MINDY2: variants seen among roughly 807,000 people sequenced by gnomAD.
MINDY2 encodes the protein ubiquitin carboxyl-terminal hydrolase MINDY-2.
Under a neutral mutation model 68.2 loss-of-function variants are expected in MINDY2, and 52 were observed. The observed-to-expected ratio is 0.76, with a 90% CI of 0.61 to 0.96. The LOEUF (loss-of-function observed/expected upper bound fraction) is 0.96, where lower values mean the gene tolerates loss of function less well. Among genes scored for constraint, MINDY2 ranks in the 40% least tolerant of loss-of-function variants. The pLI is 0.00. For synonymous variants in MINDY2, 372 were observed against 303.0 expected (o/e 1.23, Z -2.36); for missense variants, 881 against 773.4 (o/e 1.14, Z -1.65).
chr15:58,819,998 G>A (rs1398630003), intron 4 of MINDY2, among the ~76,000 whole-genome samples: 2 of 152,166 alleles, frequency 1.3e-5, no homozygotes, highest in African/African-American at 4.8e-5. Context: ...AGGCACAGTG[G>A]CTCACACCTG....
intron 2 of MINDY2, among the ~76,000 whole-genome samples, chr15:58,795,766 T>G (rs1157911934): frequency 4.3e-5 from 4 of 92,148 alleles, no homozygotes; most frequent in Non-Finnish European, 6.0e-5. Flanking sequence ...AGTGTCTAAG[T>G]TTTTTTTTTC....
chr15:58,773,893 T>C (rs1453265272), intron 1 of MINDY2, among the ~76,000 whole-genome samples: 2 of 152,150 alleles, frequency 1.3e-5, no homozygotes, highest in African/African-American at 4.8e-5. Context: ...TGGAGAATAA[T>C]GAAAAATAAG....
rs3985718 is a variant in MINDY2, at chr15:58,794,358, GGTGTGTGT to G, written c.898+6426_898+6433del. Among the ~76,000 whole-genome samples, 1,086 of 139,168 alleles carry G rather than the reference GGTGTGTGT, an allele frequency of 7.8e-3. 21 individuals are homozygous for G. Among genetic ancestry groups the G allele is most frequent in the African/African-American group, 0.027 (991 of 36,574 alleles). 91.3% of individuals were successfully genotyped at this position (139,168 alleles called of 152,430 possible). A position where few individuals can be genotyped will look rare whatever the true frequency, so the allele number is the denominator to read the frequency against. On this transcript the variant is annotated intron_variant, in intron 2 of 8. Transcript: ENST00000559228. ...AAAGTAGAATAAAAGTTTTTTTTGG[GGTGTGTGT>G]GTGTGTGTGTGTGTGTGTGTGTGTG... is the stretch of plus-strand genomic sequence containing the variant.
At chr15:58,846,916 A>G (rs1358703951) in intron 6 of MINDY2, among the ~76,000 whole-genome samples, 1 of 152,144 alleles carries the variant, frequency 6.6e-6, no homozygotes, top group Non-Finnish European at 1.5e-5. Flanking sequence ...TGTAGGCTTA[A>G]TTGGAAAAAA....
At chr15:58,835,300 A>T (rs992479644) in intron 6 of MINDY2, among the ~76,000 whole-genome samples, 1 of 152,184 alleles carries the variant, frequency 6.6e-6, no homozygotes, top group African/African-American at 2.4e-5. Flanking sequence ...AGTTGCTTTT[A>T]TTGGGACTTA....
intron 1 of MINDY2, among the ~76,000 whole-genome samples, chr15:58,781,774 G>A (rs1402217653): frequency 2.6e-5 from 4 of 152,030 alleles, no homozygotes; most frequent in African/African-American, 9.7e-5. Context: ...GTGGTGGCGG[G>A]CGCCTGTAAT....
chr15:58,831,891 AT>A lies in MINDY2; in HGVS notation c.1347del (p.Phe449LeufsTer4). On this transcript the variant is annotated frameshift_variant, in exon 6 of 9. Transcript: ENST00000559228. LOFTEE classifies it high-confidence loss of function. ...CTTTGTGTGTTCTTTCGGAATAATC[AT>A]TTTAGCACCATGACCAAATACAAGG... ...GELCVFFRNN[H>X]FSTMTKYKGQ... 2 of 1,613,270 alleles carry A rather than the reference AT, an allele frequency of 1.2e-6. No homozygotes were observed. The highest frequency in any genetic ancestry group is 1.7e-6 in the Non-Finnish European group (2 of 1,179,702).
chr15:58,773,687 T>C (rs1015050036), intron 1 of MINDY2, among the ~76,000 whole-genome samples: 7 of 152,124 alleles, frequency 4.6e-5, no homozygotes, highest in Non-Finnish European at 1.0e-4. Context: ...CTTGAACCAA[T>C]CTTTTTTTTT....
chr15:58,826,489 A>G (rs1302093408), intron 5 of MINDY2, among the ~76,000 whole-genome samples: 1 of 152,142 alleles, frequency 6.6e-6, no homozygotes, highest in East Asian at 1.9e-4. Flanking sequence ...TTGGCCTTCC[A>G]AAGTGCTGGT....
intron 7 of MINDY2, among the ~76,000 whole-genome samples, chr15:58,848,041 G>A (rs1213321753): frequency 1.3e-5 from 2 of 151,812 alleles, no homozygotes. Flanking sequence ...GACACACTAG[G>A]GAATAGAAGT....
chr15:58,797,307 G>A (rs1474870197), intron 2 of MINDY2, among the ~76,000 whole-genome samples: 2 of 152,098 alleles, frequency 1.3e-5, no homozygotes, highest in African/African-American at 4.8e-5. Context: ...AGGAGTTCAA[G>A]ACCAGGCTGG....
chr15:58,782,955 T>C (rs532877186), intron 1 of MINDY2, among the ~76,000 whole-genome samples: 92 of 124,346 alleles, frequency 7.4e-4, no homozygotes, highest in African/African-American at 2.4e-3. Context: ...AGTCTTGCTC[T>C]GTCACCCAGG....
chr15:58,797,381 A>T (rs1348331657), intron 2 of MINDY2, among the ~76,000 whole-genome samples: 1 of 152,088 alleles, frequency 6.6e-6, no homozygotes, highest in Non-Finnish European at 1.5e-5. Context: ...GATGATGCTT[A>T]CCAGTAGTCC....
At position 58,772,157 on chromosome 15, in the gene MINDY2, C is replaced by G. The variant is rs1595690735; in HGVS notation, c.762C>G (p.Asn254Lys). 1 of 1,614,106 alleles carries G rather than the reference C, an allele frequency of 6.2e-7. No individual in the cohort carries two copies. Among genetic ancestry groups the G allele is most frequent in the Non-Finnish European group, 8.5e-7 (1 of 1,180,036 alleles). Residue 254 changes from asparagine to lysine, a missense_variant, in exon 1 of 9, where the codon AAC (asparagine) becomes AAG (lysine). Transcript: ENST00000559228. The stretch of plus-strand genomic sequence containing the variant: ...AGTGGATCCAGTGGAAGGAAGAGAA[C>G]ACACCCATCATCACCCAGAATGAGA... ...HIKWIQWKEENTPIITQNENG... is the reference protein window; with the variant it reads ...HIKWIQWKEEKTPIITQNENG...
intron 6 of MINDY2, among the ~76,000 whole-genome samples, chr15:58,835,274 T>G (rs1459493916): frequency 6.6e-6 from 1 of 152,206 alleles, no homozygotes; most frequent in African/African-American, 2.4e-5. Context: ...AGTGTTTTTA[T>G]CAGGATTTAT....
rs982261964 is a variant in MINDY2, at chr15:58,836,817, C to G, written c.1368+4901C>G. On this transcript the variant is annotated intron_variant, in intron 6 of 8. Transcript: ENST00000559228. Reference sequence around the variant, plus strand: ...ATTTTTTTTTTAGAGACAGGATATCCCTGTGTTGCCCAAATTGGTCTTGAG... The same window carrying G: ...ATTTTTTTTTTAGAGACAGGATATCGCTGTGTTGCCCAAATTGGTCTTGAG... Among the ~76,000 whole-genome samples the G allele has an allele frequency of 4.6e-5, 7 of 151,926 alleles. 1 individual carries two copies. The South Asian group carries it at 1.5e-3, about 32-fold the overall frequency.
intron 7 of MINDY2, 128 bp downstream of exon 7, chr15:58,847,598 C>T (rs2140857308): frequency 1.5e-6 from 1 of 689,090 alleles, no homozygotes; most frequent in East Asian, 2.7e-5. Context: ...CCTGACACTT[C>T]CTGAATAGTT....
chr15:58,849,238 C>T (rs916694780), intron 7 of MINDY2, among the ~76,000 whole-genome samples: 15 of 151,132 alleles, frequency 9.9e-5, no homozygotes, highest in Admixed American at 9.9e-4. Context: ...CACGGTGGCT[C>T]ACACCTATAG....
rs34747262 is a variant in MINDY2, at chr15:58,814,794, C to CTT, written c.1122+4424_1122+4425dup. 3.1e-3 allele frequency among the ~76,000 whole-genome samples: 400 copies of CTT among 129,828 alleles called. 2 individuals are homozygous for CTT. The highest frequency in any genetic ancestry group is 7.5e-3 in the East Asian group (33 of 4,396). The allele number at this position is 129,828 out of a possible 152,430, so 85.2% of individuals were successfully genotyped here. A position where few individuals can be genotyped will look rare whatever the true frequency, so the allele number is the denominator to read the frequency against. On this transcript the variant is annotated intron_variant, in intron 4 of 8. Coordinates refer to ENST00000559228, the MANE Select transcript of MINDY2 (RefSeq NM_001040450.3). ...ACTTGGAAATATTCTTTAATTTTAA[C>CTT]TTTTTTTTTTTTTTTTTTTAGAAAC...
Sources: gnomAD v4.1 joint callset for allele counts (sites outside exome capture counted in the v4.1 genomes callset) on GRCh38, gnomAD v4.1.1 for gene constraint, MANE v1.5 for transcripts, NCBI Gene and HGNC (gene_info 2026-07-23, HGNC 2026-07-21) for gene names.